The following SHISAL1 variants were observed in gnomAD, a reference collection of about 807,000 sequenced individuals.
The protein encoded by SHISAL1 is shisa like 1, also known as protein shisa-like-1.
SHISAL1 carries 9 observed loss-of-function variants against 22.6 expected under a neutral mutation model. The ratio of observed to expected loss-of-function variants is 0.40; its 90% CI spans 0.24 to 0.70. The LOEUF (loss-of-function observed/expected upper bound fraction) is 0.70, where lower values mean the gene tolerates loss of function less well. SHISAL1 is among the 30% of genes least tolerant of loss of function. The pLI is 0.39. For missense variants in SHISAL1, 246 were observed against 270.6 expected (o/e 0.91, Z 0.64); for synonymous variants, 119 against 115.4 (o/e 1.03, Z -0.20).
the SHISAL1 span, among the ~76,000 whole-genome samples, chr22:44,318,560 C>G: frequency 6.6e-6 from 1 of 152,184 alleles, no homozygotes; most frequent in African/African-American, 2.4e-5. Context: ...GGACATGTGA[C>G]TTAGCCTCTC....
At chr22:44,274,810 C>T (rs2055228734) in intron 4 of SHISAL1, among the ~76,000 whole-genome samples, 1 of 151,940 alleles carries the variant, frequency 6.6e-6, no homozygotes, top group Non-Finnish European at 1.5e-5. Context: ...CTTTTCTTTT[C>T]CTATTTTTTA....
chr22:44,304,579 G>A (rs999955387), intron 1 of SHISAL1, among the ~76,000 whole-genome samples: 8 of 152,094 alleles, frequency 5.3e-5, no homozygotes, highest in African/African-American at 9.7e-5. Context: ...TGCCCTGCTC[G>A]TCCCTGGGAG....
At chr22:44,329,440 G>GACAC in the SHISAL1 span, among the ~76,000 whole-genome samples, 422 of 145,038 alleles carry the variant, frequency 2.9e-3, 2 homozygotes, top group African/African-American at 8.2e-3. Context: ...GCGAGAATGG[G>GACAC]ACACACACAC....
At chr22:44,257,229 C>G (rs1474750598) in intron 4 of SHISAL1, among the ~76,000 whole-genome samples, 1 of 152,208 alleles carries the variant, frequency 6.6e-6, no homozygotes, top group Non-Finnish European at 1.5e-5. Context: ...CAGACATGCT[C>G]ACAAGGGCAA....
In SHISAL1 at chr22:44,310,883, C is replaced by T. The variant is rs73432585; in HGVS notation, c.-33+1868G>A. 2.1e-3 allele frequency among the ~76,000 whole-genome samples: 313 copies of T among 152,216 alleles called. 3 individuals are homozygous for T. Among genetic ancestry groups the T allele is most frequent in the African/African-American group, 7.3e-3 (305 of 41,536 alleles). On this transcript the variant is annotated intron_variant, in intron 1 of 4. Coordinates refer to ENST00000381176, the MANE Select transcript of SHISAL1 (RefSeq NM_001099294.2). This position sits in a 1 kb window ranked among gnomAD's most constrained non-coding sequence, Gnocchi z 4.0. ...GGTGGGAAATTTTGTGCCTCTGCAT[C>T]GCCCCACCATGCTTTGCACACAGTA...
intron 2 of SHISAL1, among the ~76,000 whole-genome samples, chr22:44,298,128 A>G (rs1194012666): frequency 6.6e-6 from 1 of 152,210 alleles, no homozygotes; most frequent in Non-Finnish European, 1.5e-5. Flanking sequence ...TGCGAGAGAA[A>G]GGTCTCAGCT....
chr22:44,251,230 T>A lies in SHISAL1; in HGVS notation c.*-1545A>T, dbSNP rs562744393. Reference sequence around the variant, plus strand: ...CATTGCCAGGGCCTAGAACAGTAACTGGCATACTGTAGGGGCTTAATAAAT... The same window carrying A: ...CATTGCCAGGGCCTAGAACAGTAACAGGCATACTGTAGGGGCTTAATAAAT... On this transcript the variant is annotated intron_variant, in intron 4 of 4. Transcript: ENST00000381176. 3.9e-5 allele frequency among the ~76,000 whole-genome samples: 6 copies of A among 152,234 alleles called. No individual in the cohort carries two copies. The South Asian group carries it at 1.2e-3, about 31-fold the overall frequency.
chr22:44,257,395 C>T (rs543380124), intron 4 of SHISAL1, among the ~76,000 whole-genome samples: 1 of 152,322 alleles, frequency 6.6e-6, no homozygotes, highest in Admixed American at 6.5e-5. Context: ...CTGTCCTCAG[C>T]CACCTCCCAT....
intron 4 of SHISAL1, among the ~76,000 whole-genome samples, chr22:44,265,786 G>C (rs1426672615): frequency 1.3e-5 from 2 of 152,174 alleles, no homozygotes; most frequent in African/African-American, 4.8e-5. Context: ...ACCTCAGCTT[G>C]CACACCCCAG....
intron 1 of SHISAL1, among the ~76,000 whole-genome samples, chr22:44,307,630 T>C (rs954877640): frequency 2.9e-4 from 44 of 152,148 alleles, no homozygotes; most frequent in Non-Finnish European, 5.6e-4. Flanking sequence ...ACGCTCGTTG[T>C]TTGACCATGG....
rs968485445 is a variant in SHISAL1, at chr22:44,298,866, A to G, written c.68-1981T>C. ...CGGCCACCACTGGGCGGTCAGCGCC[A>G]TGGGCTTTGGCCATTTGGTAACGAT... On this transcript the variant is annotated intron_variant, in intron 2 of 4. Transcript: ENST00000381176. 4.6e-5 allele frequency among the ~76,000 whole-genome samples: 7 copies of G among 152,330 alleles called. No individual in the cohort carries two copies. In the East Asian group the frequency reaches 1.4e-3, roughly 29 times the overall value.
the SHISAL1 span, among the ~76,000 whole-genome samples, chr22:44,329,727 A>G: frequency 6.6e-6 from 1 of 152,208 alleles, no homozygotes; most frequent in Admixed American, 6.5e-5. Flanking sequence ...AGTGTCCCGC[A>G]CTGAGCAGTC....
intron 4 of SHISAL1, among the ~76,000 whole-genome samples, chr22:44,267,563 G>A (rs142528510): frequency 6.6e-6 from 1 of 152,068 alleles, no homozygotes; most frequent in African/African-American, 2.4e-5. Flanking sequence ...CTTCCCAAAG[G>A]CAAATGCGTC....
At chr22:44,298,949 AACCGGGTGGGAGTCCT>A (rs1185527667) in intron 2 of SHISAL1, among the ~76,000 whole-genome samples, 1 of 152,182 alleles carries the variant, frequency 6.6e-6, no homozygotes, top group South Asian at 2.1e-4. Flanking sequence ...GAGCCGGGAC[AACCGGGTGGGAGTCCT>A]GGCATGAGGC....
At position 44,249,552 on chromosome 22, in the gene SHISAL1, G is replaced by C; in HGVS notation, c.*133C>G. 1.4e-6 allele frequency: 1 copy of C among 699,484 alleles called. No individual in the cohort carries two copies. Among genetic ancestry groups the C allele is most frequent in the South Asian group, 1.6e-5 (1 of 64,320 alleles). The allele number at this position is 699,484 out of a possible 1,614,324, so 43.3% of individuals were successfully genotyped here. On this transcript the variant is annotated 3_prime_UTR_variant, in exon 5 of 5. Coordinates refer to ENST00000381176, the MANE Select transcript of SHISAL1 (RefSeq NM_001099294.2). Reference sequence around the variant, plus strand: ...CCGCGGAAGGGGGCTTTGGGCACAGGCAGCATTTCCTCCTGTGCCACCGCC... The same window carrying C: ...CCGCGGAAGGGGGCTTTGGGCACAGCCAGCATTTCCTCCTGTGCCACCGCC...
At chr22:44,318,458 G>A in the SHISAL1 span, among the ~76,000 whole-genome samples, 10 of 152,376 alleles carry the variant, frequency 6.6e-5, no homozygotes, top group Admixed American at 5.9e-4. Context: ...CTGGGCCCAG[G>A]CCTGGCGGAG....
chr22:44,285,279 A>G (rs2055304957), intron 4 of SHISAL1, 149 bp downstream of exon 4: 2 of 815,664 alleles, frequency 2.5e-6, no homozygotes, highest in East Asian at 5.3e-5. Flanking sequence ...TACCCATAAC[A>G]GTTTGAAATT....
chr22:44,279,815 A>T (rs2055264070), intron 4 of SHISAL1, among the ~76,000 whole-genome samples: 1 of 152,194 alleles, frequency 6.6e-6, no homozygotes, highest in Non-Finnish European at 1.5e-5. Flanking sequence ...CTGTCCCTGC[A>T]TGCCCCACAG....
intron 4 of SHISAL1, among the ~76,000 whole-genome samples, chr22:44,272,048 G>A (rs1205735859): frequency 2.0e-5 from 3 of 152,156 alleles, no homozygotes; most frequent in African/African-American, 7.2e-5. Flanking sequence ...GAAGCCGTGT[G>A]GGTCTCTCCC....
Sources: allele counts gnomAD v4.1 joint callset (sites outside exome capture counted in the v4.1 genomes callset), GRCh38; gene constraint gnomAD v4.1.1; non-coding constraint Gnocchi (gnomAD v3.1); transcripts MANE v1.5; gene names NCBI Gene and HGNC (gene_info 2026-07-23, HGNC 2026-07-21).